The following NRXN1 variants were observed in gnomAD, a reference collection of about 807,000 sequenced individuals.
The protein encoded by NRXN1 is neurexin-1.
In NRXN1, 39 loss-of-function variants were observed where a neutral mutation model predicts 150.9. That is an observed-to-expected ratio of 0.26 (90% confidence interval 0.20 to 0.34). The LOEUF is 0.34. NRXN1 is among the 10% of genes least tolerant of loss of function. The pLI, the probability that NRXN1 is intolerant of heterozygous loss-of-function variation, is 1.00. For synonymous variants in NRXN1, 924 were observed against 757.0 expected, an observed-to-expected ratio of 1.22 and a Z score of -3.62; for missense variants, 1,815 against 1,949.9, an observed-to-expected ratio of 0.93 and a Z score of 1.30.
chr2:50,398,728 C>A (rs2082206726), intron 17 of NRXN1, among the ~76,000 whole-genome samples: 1 of 152,134 alleles, frequency 6.6e-6, no homozygotes, highest in African/African-American at 2.4e-5. Context: ...TATACCCCAG[C>A]TGGCTCAAAA....
intron 5 of NRXN1, among the ~76,000 whole-genome samples, chr2:50,757,074 C>CT (rs1173302609): frequency 9.9e-5 from 15 of 151,868 alleles, no homozygotes; most frequent in African/African-American, 3.4e-4. Flanking sequence ...TGAAGTCAAT[C>CT]TTTTCTCTCT....
intron 21 of NRXN1, among the ~76,000 whole-genome samples, chr2:49,989,786 A>ATTCAACTTATAGTATTAAGTATAAT (rs1681608131): frequency 1.3e-5 from 2 of 152,210 alleles, no homozygotes; most frequent in South Asian, 2.1e-4. Flanking sequence ...GATTGGTAGG[A>ATTCAACTTATAGTATTAAGTATAAT]AAGTAGTATT....
intron 3 of NRXN1, among the ~76,000 whole-genome samples, chr2:50,922,935 C>T (rs1014262215): frequency 1.3e-5 from 2 of 151,868 alleles, no homozygotes; most frequent in African/African-American, 4.8e-5. Context: ...TCAGTTGGAA[C>T]AACCAAGAGC....
chr2:50,054,813 T>C (rs1195149076), intron 20 of NRXN1, 142 bp downstream of exon 20: 21 of 556,966 alleles, frequency 3.8e-5, no homozygotes, highest in Non-Finnish European at 6.2e-6. Flanking sequence ...AATATTACTA[T>C]CTACATTTTA....
At chr2:50,725,021 C>T in intron 5 of NRXN1, among the ~76,000 whole-genome samples, 1 of 152,120 alleles carries the variant, frequency 6.6e-6, no homozygotes, top group Non-Finnish European at 1.5e-5. Flanking sequence ...CTTTGTGGAG[C>T]TTGCTTCCTG....
intron 21 of NRXN1, among the ~76,000 whole-genome samples, chr2:50,048,326 A>G (rs1692158486): frequency 6.6e-6 from 1 of 152,182 alleles, no homozygotes; most frequent in East Asian, 1.9e-4. Flanking sequence ...TAGGGAAAAT[A>G]AATTAATTAT....
At chr2:50,423,886 A>T (rs1316682105) in intron 17 of NRXN1, among the ~76,000 whole-genome samples, 2 of 152,144 alleles carry the variant, frequency 1.3e-5, no homozygotes, top group Non-Finnish European at 2.9e-5. Context: ...GCAGCTGGGT[A>T]ATCGCTGGTA....
chr2:50,863,617 C>G (rs1296237196), intron 5 of NRXN1, among the ~76,000 whole-genome samples: 4 of 151,952 alleles, frequency 2.6e-5, no homozygotes, highest in East Asian at 1.9e-4. Flanking sequence ...AATAAAAAAG[C>G]TTTTTACAGT....
intron 10 of NRXN1, 71 bp downstream of exon 10, chr2:50,538,182 G>A (rs2105257709): frequency 6.6e-7 from 1 of 1,522,436 alleles, no homozygotes; most frequent in Non-Finnish European, 8.9e-7. Context: ...AATGGTCAGT[G>A]CAGGTTTGAG....
chr2:50,100,008 G>C (rs1049944386), intron 18 of NRXN1, among the ~76,000 whole-genome samples: 1 of 152,068 alleles, frequency 6.6e-6, no homozygotes, highest in African/African-American at 2.4e-5. Context: ...AAAAAATTTA[G>C]ATATTACTAG....
chr2:50,716,593 G>C (rs1039246657), intron 5 of NRXN1, among the ~76,000 whole-genome samples: 2 of 152,058 alleles, frequency 1.3e-5, no homozygotes, highest in African/African-American at 2.4e-5. Flanking sequence ...CATTTGCTAT[G>C]ATAATGAGAA....
intron 18 of NRXN1, among the ~76,000 whole-genome samples, chr2:50,104,217 G>A (rs529560256): frequency 6.6e-6 from 1 of 152,066 alleles, no homozygotes; most frequent in South Asian, 2.1e-4. Flanking sequence ...GAGACATACT[G>A]GGAGGCCATT....
intron 5 of NRXN1, among the ~76,000 whole-genome samples, chr2:50,756,635 T>C (rs1165145626): frequency 6.6e-6 from 1 of 151,808 alleles, no homozygotes; most frequent in Non-Finnish European, 1.5e-5. Flanking sequence ...ACAACCTAAA[T>C]ATCCAACAAT....
chr2:50,147,492 G>C (rs2058414557), intron 18 of NRXN1, among the ~76,000 whole-genome samples: 1 of 151,728 alleles, frequency 6.6e-6, no homozygotes, highest in Admixed American at 6.6e-5. Flanking sequence ...CATCCCTAGA[G>C]TTAAAGAGAG....
intron 17 of NRXN1, among the ~76,000 whole-genome samples, chr2:50,297,526 T>C (rs1247458126): frequency 6.6e-6 from 1 of 152,188 alleles, no homozygotes. Flanking sequence ...TACTACTTTG[T>C]CATAGGAAAT....
intron 5 of NRXN1, among the ~76,000 whole-genome samples, chr2:50,659,697 T>C (rs1687013069): frequency 6.6e-6 from 1 of 151,746 alleles, no homozygotes; most frequent in South Asian, 2.1e-4. Flanking sequence ...TAGTTGTTCA[T>C]TCTTTAATTC....
intron 15 of NRXN1, among the ~76,000 whole-genome samples, chr2:50,485,552 G>A (rs2090808760): frequency 6.6e-6 from 1 of 152,180 alleles, no homozygotes; most frequent in Admixed American, 6.5e-5. Flanking sequence ...AAGATGGAAT[G>A]GAACGGAAAT....
chr2:50,333,476 C>T (rs530473021), intron 17 of NRXN1, among the ~76,000 whole-genome samples: 2 of 152,086 alleles, frequency 1.3e-5, no homozygotes, highest in African/African-American at 2.4e-5. Context: ...ATCTATCAGG[C>T]TCCTATAGAA....
At chr2:50,497,087 A>G (rs376728648) in intron 14 of NRXN1, among the ~76,000 whole-genome samples, 4 of 152,230 alleles carry the variant, frequency 2.6e-5, no homozygotes, top group East Asian at 3.8e-4. Flanking sequence ...AATGCCTACC[A>G]TAAATTAGAG....
Sources: allele counts gnomAD v4.1 joint callset (sites outside exome capture counted in the v4.1 genomes callset), GRCh38; gene constraint gnomAD v4.1.1; transcripts MANE v1.5; gene names NCBI Gene and HGNC (gene_info 2026-07-23, HGNC 2026-07-21).